The following NDUFAF6 variants were observed in gnomAD, a reference collection of about 807,000 sequenced individuals.
NDUFAF6 encodes NADH:ubiquinone oxidoreductase complex assembly factor 6, also known as NADH dehydrogenase (ubiquinone) complex I, assembly factor 6.
NDUFAF6 carries 45 observed loss-of-function variants against 40.8 expected under a neutral mutation model. That is an observed-to-expected ratio of 1.10 (90% CI 0.87 to 1.42). The LOEUF (loss-of-function observed/expected upper bound fraction) is 1.42, where lower values mean the gene tolerates loss of function less well. NDUFAF6 is among the 40% of genes most tolerant of loss of function. The pLI, the probability that NDUFAF6 is intolerant of heterozygous loss-of-function variation, is 0.00. For missense variants in NDUFAF6, 435 were observed against 418.5 expected, an observed-to-expected ratio of 1.04 and a Z score of -0.34; for synonymous variants, 185 against 155.9, an observed-to-expected ratio of 1.19 and a Z score of -1.39.
chr8:94,938,498 A>G (rs1432341087), intron 1 of NDUFAF6, among the ~76,000 whole-genome samples: 2 of 152,220 alleles, frequency 1.3e-5, no homozygotes, highest in Non-Finnish European at 2.9e-5. Flanking sequence ...CAGCTTCAGG[A>G]TGGGATGTGG....
intron 9 of NDUFAF6, among the ~76,000 whole-genome samples, chr8:95,064,837 G>T (rs754183117): frequency 7.9e-5 from 12 of 152,146 alleles, no homozygotes; most frequent in Non-Finnish European, 1.6e-4. Context: ...AAGCCAAGAA[G>T]AATCTAAACG....
At chr8:94,906,403 C>T (rs975266744) in intron 1 of NDUFAF6, among the ~76,000 whole-genome samples, 6 of 152,170 alleles carry the variant, frequency 3.9e-5, no homozygotes, top group African/African-American at 1.2e-4. Flanking sequence ...GTATTTCTCC[C>T]GTCTCCCTTT....
chr8:94,906,599 G>A (rs1818407080), intron 1 of NDUFAF6, among the ~76,000 whole-genome samples: 1 of 152,148 alleles, frequency 6.6e-6, no homozygotes, highest in Non-Finnish European at 1.5e-5. Context: ...TGCCTCTAGG[G>A]TCACTGTGTC....
chr8:95,100,794 T>A (rs546632842), intron 1 of NDUFAF6, among the ~76,000 whole-genome samples: 1 of 152,246 alleles, frequency 6.6e-6, no homozygotes, highest in Non-Finnish European at 1.5e-5. Context: ...AACTTTCACA[T>A]ACTCTGTAAA....
intron 2 of NDUFAF6, among the ~76,000 whole-genome samples, chr8:94,952,413 G>A (rs1358818615): frequency 6.6e-6 from 1 of 152,208 alleles, no homozygotes; most frequent in Non-Finnish European, 1.5e-5. Context: ...CACTTAGGTC[G>A]TTTTCTATCT....
downstream of NDUFAF6, among the ~76,000 whole-genome samples, chr8:95,076,596 G>A (rs1442877050): frequency 2.6e-5 from 4 of 152,310 alleles, no homozygotes; most frequent in Non-Finnish European, 5.9e-5. Flanking sequence ...CTCATAGGCC[G>A]GGCACGGTGG....
At chr8:95,019,022 T>C (rs1286783200) in intron 2 of NDUFAF6, among the ~76,000 whole-genome samples, 1 of 152,170 alleles carries the variant, frequency 6.6e-6, no homozygotes, top group Non-Finnish European at 1.5e-5. Flanking sequence ...TATTTACTTA[T>C]TTATTTTGAG....
At chr8:94,915,360 G>A (rs778531380) in intron 1 of NDUFAF6, among the ~76,000 whole-genome samples, 3 of 152,048 alleles carry the variant, frequency 2.0e-5, no homozygotes, top group Non-Finnish European at 4.4e-5. Context: ...TTAGAATGAC[G>A]GCCTCCAGCT....
Position 94,978,815 on chromosome 8 carries a change from A to G in NDUFAF6, c.-198-2044A>G, listed in dbSNP as rs145894545. Among the ~76,000 whole-genome samples the G allele has an allele frequency of 3.6e-4, 55 of 152,248 alleles. 1 individual carries two copies. In the East Asian group the frequency reaches 9.8e-3, roughly 27 times the overall value. ...AATGGGAACCTCCAATTTGTAGCCA[A>G]GTTAGAAAGAAGTGTGGGTAACCTA... On this transcript the variant is annotated intron_variant, in intron 1 of 9. Coordinates refer to the NDUFAF6 transcript ENST00000396111.
At chr8:95,004,047 G>A (rs1159187993) in intron 2 of NDUFAF6, among the ~76,000 whole-genome samples, 1 of 152,144 alleles carries the variant, frequency 6.6e-6, no homozygotes, top group Non-Finnish European at 1.5e-5. Context: ...GAGAGTGCTG[G>A]TTATTTTCCA....
chr8:95,108,018 A>G (rs1809890783), downstream of NDUFAF6, among the ~76,000 whole-genome samples: 2 of 152,350 alleles, frequency 1.3e-5, no homozygotes. Context: ...CACACCCATT[A>G]GGATGGCTAC....
downstream of NDUFAF6, among the ~76,000 whole-genome samples, chr8:95,116,788 A>G (rs999932551): frequency 6.6e-6 from 1 of 152,202 alleles, no homozygotes; most frequent in Non-Finnish European, 1.5e-5. Flanking sequence ...ATCAACAGAA[A>G]ACCCAACTTA....
chr8:95,074,035 T>G (rs1471646882), intron 9 of NDUFAF6, among the ~76,000 whole-genome samples: 1 of 152,164 alleles, frequency 6.6e-6, no homozygotes, highest in African/African-American at 2.4e-5. Flanking sequence ...CAGACTGAAA[T>G]ATTTATGTCT....
At chr8:94,980,898 C>T (rs575733535) in exon 2 of NDUFAF6, 125 of 456,330 alleles carry the variant, frequency 2.7e-4, no homozygotes, top group African/African-American at 2.3e-3. Context: ...GAGCTCCACC[C>T]TCTGCTCAAG....
intron 1 of NDUFAF6, among the ~76,000 whole-genome samples, chr8:95,026,728 A>G (rs929349452): frequency 4.6e-5 from 7 of 152,172 alleles, no homozygotes; most frequent in Non-Finnish European, 7.4e-5. Flanking sequence ...TTTCTTATCT[A>G]TTTTTCCAGG....
chr8:94,913,157 T>C (rs1231411732), intron 1 of NDUFAF6, among the ~76,000 whole-genome samples: 2 of 152,218 alleles, frequency 1.3e-5, no homozygotes, highest in East Asian at 3.8e-4. Context: ...CCTCTGGTGT[T>C]TGTACATCCT....
At chr8:94,977,012 G>C (rs147463885) in intron 1 of NDUFAF6, among the ~76,000 whole-genome samples, 19,664 of 151,726 alleles carry the variant, frequency 0.13, 1,616 homozygotes, top group Middle Eastern at 0.23. Flanking sequence ...TTAGCCAAGC[G>C]TGGTGGCACA....
At chr8:94,930,686 A>G (rs1325232459) in intron 1 of NDUFAF6, 3 of 1,614,154 alleles carry the variant, frequency 1.9e-6, no homozygotes, top group Admixed American at 1.7e-5. Context: ...GAGCTGCAAC[A>G]TAACAATGAA....
At chr8:94,936,006 G>A (rs1820940580) in intron 1 of NDUFAF6, among the ~76,000 whole-genome samples, 1 of 152,110 alleles carries the variant, frequency 6.6e-6, no homozygotes, top group African/African-American at 2.4e-5. Context: ...GTGGTGGTAG[G>A]GACAAATTAT....
Sources: gnomAD v4.1 joint callset for allele counts (sites outside exome capture counted in the v4.1 genomes callset) on GRCh38, gnomAD v4.1.1 for gene constraint, MANE v1.5 for transcripts, NCBI Gene and HGNC (gene_info 2026-07-23, HGNC 2026-07-21) for gene names.